Variants in KLHL28 observed in about 807,000 individuals in gnomAD.
KLHL28 encodes kelch-like protein 28.
A neutral mutation model predicts 48.3 loss-of-function variants in KLHL28; 22 were observed. The ratio of observed to expected loss-of-function variants is 0.46; its 90% CI spans 0.33 to 0.65. The LOEUF is 0.65. Among genes scored for constraint, KLHL28 ranks in the 30% least tolerant of loss-of-function variants. The pLI, the probability that KLHL28 is intolerant of heterozygous loss-of-function variation, is 0.03. For missense variants in KLHL28, 527 were observed against 704.3 expected, an observed-to-expected ratio of 0.75 and a Z score of 2.85; for synonymous variants, 243 against 242.4, an observed-to-expected ratio of 1.00 and a Z score of -0.02.
chr14:44,924,968 A>C lies in KLHL28; in HGVS notation c.*4060T>G, dbSNP rs151117139. ...ATGTATTGTATTCCTCACTCTTTTCAAATGTGTATCAACACCAAATCAATG... is the reference window on the plus strand; with the variant it reads ...ATGTATTGTATTCCTCACTCTTTTCCAATGTGTATCAACACCAAATCAATG... On this transcript the variant is annotated 3_prime_UTR_variant, in exon 5 of 5. Coordinates refer to ENST00000396128, the MANE Select transcript of KLHL28 (RefSeq NM_017658.5). 8.6e-4 allele frequency: 132 copies of C among 152,712 alleles called. 1 individual carries two copies. Among genetic ancestry groups the C allele is most frequent in the African/African-American group, 2.9e-3 (120 of 41,580 alleles). The allele number at this position is 152,712 out of a possible 1,614,324, so 9.5% of individuals were successfully genotyped here.
At chr14:44,953,458 T>A (rs1256808829) in intron 1 of KLHL28, among the ~76,000 whole-genome samples, 1 of 152,204 alleles carries the variant, frequency 6.6e-6, no homozygotes, top group Non-Finnish European at 1.5e-5. Context: ...AACGGATTGA[T>A]CCACTTATGG....
intron 1 of KLHL28, among the ~76,000 whole-genome samples, chr14:44,947,976 G>A (rs556044742): frequency 6.6e-6 from 1 of 152,178 alleles, no homozygotes; most frequent in African/African-American, 2.4e-5. Flanking sequence ...GTAAGTAGAT[G>A]GCAATCAGAA....
intron 4 of KLHL28, among the ~76,000 whole-genome samples, chr14:44,929,922 T>C (rs1394057569): frequency 6.6e-6 from 1 of 152,206 alleles, no homozygotes; most frequent in African/African-American, 2.4e-5. Context: ...AGTATATATC[T>C]TTCCATAGGC....
chr14:44,945,618 G>A lies in KLHL28; in HGVS notation c.311C>T (p.Thr104Ile). Residue 104 changes from threonine to isoleucine, a missense_variant, in exon 2 of 5, where the codon ACA becomes ATA. By Grantham distance (89) the Thr-to-Ile change is moderately conservative (BLOSUM62 -1). Transcript: ENST00000396128. Reference protein sequence around the residue: ...YTGTVFISQDTVESLLPAANL... With the variant: ...YTGTVFISQDIVESLLPAANL... ...TGCTGCTGGCAGGAGAGATTCAACTGTGTCCTGAGAAATAAAAACAGTCCC... is the reference window on the plus strand; with the variant it reads ...TGCTGCTGGCAGGAGAGATTCAACTATGTCCTGAGAAATAAAAACAGTCCC... 6.2e-7 allele frequency: 1 copy of A among 1,614,150 alleles called. No individual in the cohort carries two copies. Among genetic ancestry groups the A allele is most frequent in the South Asian group, 1.1e-5 (1 of 91,082 alleles).
intron 1 of KLHL28, among the ~76,000 whole-genome samples, chr14:44,946,813 C>T (rs1884356115): frequency 6.6e-6 from 1 of 152,202 alleles, no homozygotes; most frequent in Non-Finnish European, 1.5e-5. Context: ...GCTTCGGCTT[C>T]TCAAAGTGCG....
chr14:44,931,649 T>G (rs2138583065), intron 3 of KLHL28, 108 bp from the exon 4 acceptor site: 1 of 766,370 alleles, frequency 1.3e-6, no homozygotes, highest in East Asian at 2.7e-5. Context: ...AATAGAGAGA[T>G]ATTAAACAAG....
Position 44,945,398 on chromosome 14 carries a change from T to A in KLHL28, c.531A>T (p.Thr177=), listed in dbSNP as rs2138630916. The change falls in exon 2 of 5, where the codon ACA becomes ACT. Residue 177 remains threonine, a synonymous_variant. Coordinates refer to ENST00000396128, the MANE Select transcript of KLHL28 (RefSeq NM_017658.5). ...AAACAATTTCATCCAAGTCAGCATG[T>A]GTAAGCTCAAAAAACTCTTCAGTCT... ...VCQTEEFFEL[T]HADLDEIVSN... 1 of 1,614,198 alleles carries A rather than the reference T, an allele frequency of 6.2e-7. No homozygotes were observed. Among genetic ancestry groups the A allele is most frequent in the South Asian group, 1.1e-5 (1 of 91,086 alleles).
chr14:44,952,880 C>T (rs767474128), intron 1 of KLHL28, among the ~76,000 whole-genome samples: 28 of 149,770 alleles, frequency 1.9e-4, no homozygotes, highest in Non-Finnish European at 3.4e-4. Flanking sequence ...AACCACTTTG[C>T]GTAAAAGGAA....
chr14:44,925,915 A>AACTGATTAC lies in KLHL28; in HGVS notation c.*3104_*3112dup, dbSNP rs1371542627. 1 of 152,224 alleles carries AACTGATTAC rather than the reference A, an allele frequency of 6.6e-6. No individual in the cohort carries two copies. The highest frequency in any genetic ancestry group is 1.5e-5 in the Non-Finnish European group (1 of 68,018). The allele number at this position is 152,224 out of a possible 1,614,324, so 9.4% of individuals were successfully genotyped here. On this transcript the variant is annotated 3_prime_UTR_variant, in exon 5 of 5. Coordinates refer to ENST00000396128, the MANE Select transcript of KLHL28 (RefSeq NM_017658.5). ...TAATTATAGAAGGCAAGTATCTTGC[A>AACTGATTAC]ACTGATTACATTAATTTCTATTTCC...
Position 44,927,962 on chromosome 14 carries a change from G to A in KLHL28, c.*1066C>T, listed in dbSNP as rs6572290. ...ATGATTTTTGGATGTTAACATTGGC[G>A]TAATCACTAACATTTTTAATAAGCA... On this transcript the variant is annotated 3_prime_UTR_variant, in exon 5 of 5. Coordinates refer to ENST00000396128, the MANE Select transcript of KLHL28 (RefSeq NM_017658.5). 24,195 of 152,314 alleles carry A rather than the reference G, an allele frequency of 0.16. 3,580 individuals are homozygous for A. Among genetic ancestry groups the A allele is most frequent in the African/African-American group, 0.39 (16,335 of 41,398 alleles). The allele number at this position is 152,314 out of a possible 1,614,324, so 9.4% of individuals were successfully genotyped here.
chr14:44,952,966 C>A (rs1407513291), intron 1 of KLHL28, among the ~76,000 whole-genome samples: 2 of 151,078 alleles, frequency 1.3e-5, no homozygotes, highest in Non-Finnish European at 2.9e-5. Flanking sequence ...TAGAGTCGGA[C>A]AGATTTGGAT....
intron 1 of KLHL28, among the ~76,000 whole-genome samples, chr14:44,959,134 G>GA (rs1884928877): frequency 6.6e-6 from 1 of 151,404 alleles, no homozygotes; most frequent in South Asian, 2.1e-4. Flanking sequence ...AATAATAATG[G>GA]AAAAAATCTA....
At chr14:44,939,034 T>G (rs1883961932) in intron 2 of KLHL28, among the ~76,000 whole-genome samples, 1 of 152,184 alleles carries the variant, frequency 6.6e-6, no homozygotes, top group African/African-American at 2.4e-5. Flanking sequence ...CATGCCCCCA[T>G]AACTCTTGTA....
At chr14:44,937,427 G>A (rs1436698042) in intron 2 of KLHL28, among the ~76,000 whole-genome samples, 1 of 152,042 alleles carries the variant, frequency 6.6e-6, no homozygotes, top group Non-Finnish European at 1.5e-5. Context: ...GATTACAGGC[G>A]TGATCCACTG....
At chr14:44,948,044 C>A (rs914846891) in intron 1 of KLHL28, among the ~76,000 whole-genome samples, 4 of 151,912 alleles carry the variant, frequency 2.6e-5, no homozygotes, top group Non-Finnish European at 5.9e-5. Flanking sequence ...ATCTTTTTAA[C>A]CTATGTAACT....
intron 1 of KLHL28, among the ~76,000 whole-genome samples, chr14:44,955,237 C>T (rs1203586001): frequency 2.0e-5 from 3 of 150,970 alleles, no homozygotes; most frequent in South Asian, 2.1e-4. Context: ...TATACTAATA[C>T]ATAATTTATA....
intron 1 of KLHL28, chr14:44,961,471 CCAAAAACAAACAAA>C (rs1885093211): frequency 6.6e-6 from 1 of 151,740 alleles, no homozygotes; most frequent in African/African-American, 2.4e-5. Flanking sequence ...GGAAACGTTG[CCAAAAACAAACAAA>C]CAAAAACAAA....
At chr14:44,959,996 G>T (rs531890196) in intron 1 of KLHL28, among the ~76,000 whole-genome samples, 1 of 152,234 alleles carries the variant, frequency 6.6e-6, no homozygotes, top group South Asian at 2.1e-4. Flanking sequence ...AACTCTAAAA[G>T]ATAATCAGTA....
At chr14:44,938,621 T>A (rs112641941) in intron 2 of KLHL28, among the ~76,000 whole-genome samples, 7,379 of 152,236 alleles carry the variant, frequency 0.048, 601 homozygotes, top group African/African-American at 0.17. Context: ...CTGCCCGCCT[T>A]GGCCTCCCAA....
Sources: allele counts gnomAD v4.1 joint callset (sites outside exome capture counted in the v4.1 genomes callset), GRCh38; gene constraint gnomAD v4.1.1; transcripts MANE v1.5; gene names NCBI Gene and HGNC (gene_info 2026-07-23, HGNC 2026-07-21).